Variants in ITPKB observed in about 807,000 individuals in gnomAD.
ITPKB encodes inositol-trisphosphate 3-kinase B.
Under a neutral mutation model 69.4 loss-of-function variants are expected in ITPKB, and 13 were observed. The observed-to-expected ratio is 0.19, with a 90% CI of 0.12 to 0.30. The LOEUF (loss-of-function observed/expected upper bound fraction) is 0.30. Ranked by LOEUF, ITPKB falls within the 10% of genes least tolerant of loss-of-function variation. The pLI is 1.00. For synonymous variants in ITPKB, 584 were observed against 513.7 expected (o/e 1.14, Z -1.85); for missense variants, 1,240 against 1,250.5 (o/e 0.99, Z 0.13).
chr1:226,632,303 C>T lies in ITPKB; in HGVS notation c.*2368G>A, dbSNP rs1668744323. On this transcript the variant is annotated 3_prime_UTR_variant, in exon 8 of 8. Coordinates refer to ENST00000429204, the MANE Select transcript of ITPKB (RefSeq NM_002221.4). ...TTTGTCCTGCCTGCTGGCACATGCACTGCCAGGACCCAAGGAGTCCCTGTG... is the reference window on the plus strand; with the variant it reads ...TTTGTCCTGCCTGCTGGCACATGCATTGCCAGGACCCAAGGAGTCCCTGTG... The T allele has an allele frequency of 6.6e-6, 1 of 152,406 alleles. No individual in the cohort carries two copies. The highest frequency in any genetic ancestry group is 1.5e-5 in the Non-Finnish European group (1 of 68,044). The allele number at this position is 152,406 out of a possible 1,614,324, so 9.4% of individuals were successfully genotyped here.
intron 2 of ITPKB, among the ~76,000 whole-genome samples, chr1:226,679,016 GCA>G (rs1197483280): frequency 4.6e-5 from 7 of 152,224 alleles, no homozygotes; most frequent in Non-Finnish European, 1.0e-4. Flanking sequence ...ACTGACGCCA[GCA>G]CTCAGGCTAG....
intron 2 of ITPKB, among the ~76,000 whole-genome samples, chr1:226,702,912 A>G (rs1656702701): frequency 6.6e-6 from 1 of 152,188 alleles, no homozygotes; most frequent in African/African-American, 2.4e-5. Flanking sequence ...CTTTCTAATT[A>G]AATATTTTTC....
At chr1:226,700,533 C>T (rs534783755) in intron 2 of ITPKB, among the ~76,000 whole-genome samples, 1 of 142,834 alleles carries the variant, frequency 7.0e-6, no homozygotes, top group African/African-American at 2.7e-5. Context: ...ATCAAGTTGA[C>T]ACTCAGTATT....
intron 2 of ITPKB, among the ~76,000 whole-genome samples, chr1:226,676,724 A>C (rs1023766416): frequency 6.6e-6 from 1 of 152,252 alleles, no homozygotes; most frequent in Non-Finnish European, 1.5e-5. Context: ...ATGGACTTAT[A>C]CCACACCTTG....
chr1:226,724,502 T>C (rs1429609387), intron 2 of ITPKB, among the ~76,000 whole-genome samples: 14 of 152,218 alleles, frequency 9.2e-5, no homozygotes, highest in Admixed American at 6.5e-4. Flanking sequence ...GAGCATTTAG[T>C]ATGTCCAGAC....
intron 2 of ITPKB, among the ~76,000 whole-genome samples, chr1:226,686,857 T>TGTCTGG (rs1407220249): frequency 1.3e-5 from 2 of 152,250 alleles, no homozygotes; most frequent in Admixed American, 6.5e-5. Context: ...GGCTGACTTA[T>TGTCTGG]CTGGCAATGG....
chr1:226,653,002 G>A (rs992801517), intron 2 of ITPKB, among the ~76,000 whole-genome samples: 4 of 152,190 alleles, frequency 2.6e-5, no homozygotes, highest in Non-Finnish European at 5.9e-5. Context: ...CTCTCGGGGA[G>A]ATAGGAGGGC....
intron 2 of ITPKB, among the ~76,000 whole-genome samples, chr1:226,670,770 C>T (rs1669600438): frequency 6.6e-6 from 1 of 152,238 alleles, no homozygotes; most frequent in Non-Finnish European, 1.5e-5. Context: ...TATTGCACTA[C>T]ATGCATATTT....
chr1:226,682,188 C>T (rs1302432720), intron 2 of ITPKB, among the ~76,000 whole-genome samples: 1 of 152,008 alleles, frequency 6.6e-6, no homozygotes, highest in Non-Finnish European at 1.5e-5. Context: ...GAGATTCTGG[C>T]TTAGTTGGTG....
In ITPKB at chr1:226,733,670, G is replaced by C. The variant is rs1035589351; in HGVS notation, c.1932+1857C>G. Among the ~76,000 whole-genome samples the C allele has an allele frequency of 1.3e-4, 20 of 152,260 alleles. No homozygotes were observed. The South Asian group carries it at 4.1e-3, about 32-fold the overall frequency. On this transcript the variant is annotated intron_variant, in intron 2 of 7. Coordinates refer to ENST00000429204, the MANE Select transcript of ITPKB (RefSeq NM_002221.4). The stretch of plus-strand genomic sequence containing the variant: ...TTTTCCCTGGCTCTGCTCTGCGGGT[G>C]TCTGAAAACCTGTTTAAAGGTGGGA...
chr1:226,652,509 C>T (rs1281436715), intron 2 of ITPKB, among the ~76,000 whole-genome samples: 1 of 152,248 alleles, frequency 6.6e-6, no homozygotes, highest in Admixed American at 6.5e-5. Flanking sequence ...CCCCTCCAGC[C>T]CTCCCTTGTG....
At chr1:226,718,360 T>C (rs1195389350) in intron 2 of ITPKB, among the ~76,000 whole-genome samples, 1 of 150,572 alleles carries the variant, frequency 6.6e-6, no homozygotes, top group Non-Finnish European at 1.5e-5. Context: ...CTCACTCCCA[T>C]AATCTCAGCA....
At chr1:226,723,331 G>A (rs1657300839) in intron 2 of ITPKB, among the ~76,000 whole-genome samples, 1 of 152,138 alleles carries the variant, frequency 6.6e-6, no homozygotes, top group South Asian at 2.1e-4. Context: ...AGACCCCAGA[G>A]CCACCTGGAC....
At chr1:226,729,285 C>T (rs1386980202) in intron 2 of ITPKB, among the ~76,000 whole-genome samples, 2 of 151,884 alleles carry the variant, frequency 1.3e-5, no homozygotes, top group African/African-American at 4.8e-5. Context: ...AGATAGAGAC[C>T]ATCCTGGCCA....
chr1:226,735,569 G>A lies in ITPKB; in HGVS notation c.1890C>T (p.Asn630=), dbSNP rs868481435. 2 of 1,560,382 alleles carry A rather than the reference G, an allele frequency of 1.3e-6. No individual in the cohort carries two copies. The highest frequency in any genetic ancestry group is 2.7e-5 in the African/African-American group (2 of 73,124). Residue 630 remains asparagine (N), a synonymous_variant, in exon 2 of 8, where the codon AAC becomes AAT. Coordinates refer to ENST00000429204, the MANE Select transcript of ITPKB (RefSeq NM_002221.4). ...GGTCCAGGGTATGCAGGAAGGCTGA[G>A]TTGGGGTCCAGGGTGCGCTCAGGGT... ...SSDPERTLDP[N]SAFLHTLDQQ...
At chr1:226,693,066 G>A (rs772075412) in intron 2 of ITPKB, among the ~76,000 whole-genome samples, 10 of 152,216 alleles carry the variant, frequency 6.6e-5, no homozygotes, top group Non-Finnish European at 1.5e-4. Flanking sequence ...GCAGGCATGT[G>A]AGCCGTGGCT....
At chr1:226,649,467 CATGT>C (rs1050854217) in intron 2 of ITPKB, among the ~76,000 whole-genome samples, 30 of 138,152 alleles carry the variant, frequency 2.2e-4, no homozygotes, top group Middle Eastern at 3.7e-3. Flanking sequence ...GTGATATGTG[CATGT>C]ATGTGCATAT....
At chr1:226,679,986 A>C (rs1656038006) in intron 2 of ITPKB, among the ~76,000 whole-genome samples, 1 of 152,240 alleles carries the variant, frequency 6.6e-6, no homozygotes, top group African/African-American at 2.4e-5. Context: ...CTCAACACCC[A>C]GTAGATTTCC....
At chr1:226,702,547 C>T (rs139253224) in intron 2 of ITPKB, among the ~76,000 whole-genome samples, 2,022 of 152,318 alleles carry the variant, frequency 0.013, 31 homozygotes, top group Non-Finnish European at 0.017. Flanking sequence ...CAGGCAACAA[C>T]TGGCACTAGG....
Sources: allele counts gnomAD v4.1 joint callset (sites outside exome capture counted in the v4.1 genomes callset), GRCh38; gene constraint gnomAD v4.1.1; transcripts MANE v1.5; gene names NCBI Gene and HGNC (gene_info 2026-07-23, HGNC 2026-07-21).